CSF1R: variants seen among roughly 807,000 people sequenced by gnomAD.
The protein encoded by CSF1R is macrophage colony-stimulating factor 1 receptor.
In CSF1R, 40 loss-of-function variants were observed where a neutral mutation model predicts 110.0. The observed-to-expected ratio is 0.36, with a 90% CI of 0.28 to 0.47. CSF1R has a LOEUF of 0.47. CSF1R is among the 20% of genes least tolerant of loss of function. The probability of loss-of-function intolerance (pLI) is 0.99; values close to 1 mark genes in which losing one functional copy is unlikely to be tolerated. For missense variants in CSF1R, 1,052 were observed against 1,253.0 expected (o/e 0.84, Z 2.42); for synonymous variants, 523 against 503.4 (o/e 1.04, Z -0.52).
rs1255685909 is a variant in CSF1R at position 150,053,973 on chromosome 5, C to T, written c.*96G>A. The stretch of plus-strand genomic sequence containing the variant: ...GGGCCGAGCTGTTGAGTGAAATGAC[C>T]GAAGGCAGAGTTTGTATGTTCTCCC... On this transcript the variant is annotated 3_prime_UTR_variant, in exon 21 of 21. Coordinates refer to ENST00000675795, the MANE Select transcript of CSF1R (RefSeq NM_001288705.3). 10 of 1,286,506 alleles carry T rather than the reference C, an allele frequency of 7.8e-6. No homozygotes were observed. The highest frequency in any genetic ancestry group is 5.0e-5 in the East Asian group (2 of 39,864). 79.7% of individuals were successfully genotyped at this position (1,286,506 alleles called of 1,614,324 possible).
chr5:150,053,550 A>G lies in CSF1R; in HGVS notation c.*519T>C, dbSNP rs1190904944. The G allele has an allele frequency of 4.1e-6, 1 of 244,224 alleles. No homozygotes were observed. Among genetic ancestry groups the G allele is most frequent in the African/African-American group, 2.2e-5 (1 of 45,370 alleles). The allele number at this position is 244,224 out of a possible 1,614,324, so 15.1% of individuals were successfully genotyped here. ...GTGGAGTGAAGGCGGCGTATAGGGC[A>G]GAGACTAAGAGGTCCTGTGAGATTC... On this transcript the variant is annotated 3_prime_UTR_variant, in exon 21 of 21. Coordinates refer to ENST00000675795, the MANE Select transcript of CSF1R (RefSeq NM_001288705.3).
At chr5:150,088,399 C>G (rs1424123855), upstream of CSF1R, among the ~76,000 whole-genome samples, 1 of 152,140 alleles carries the variant, frequency 6.6e-6, no homozygotes, top group Non-Finnish European at 1.5e-5. Context: ...TTCTATGAAG[C>G]CAGCATTTTT....
chr5:150,107,253 G>A (rs1759583996), intron 1 of CSF1R, among the ~76,000 whole-genome samples: 1 of 152,244 alleles, frequency 6.6e-6, no homozygotes, highest in African/African-American at 2.4e-5. Flanking sequence ...CCGCCTGGTG[G>A]GAGGTAAGGC....
intron 1 of CSF1R, among the ~76,000 whole-genome samples, chr5:150,096,634 A>T (rs1470075919): frequency 2.0e-5 from 3 of 152,248 alleles, no homozygotes; most frequent in Non-Finnish European, 4.4e-5. Flanking sequence ...ATAATGCATC[A>T]TGTCCAAGTG....
At chr5:150,065,396 G>A (rs911380380) in intron 10 of CSF1R, among the ~76,000 whole-genome samples, 1 of 152,150 alleles carries the variant, frequency 6.6e-6, no homozygotes, top group Non-Finnish European at 1.5e-5. Flanking sequence ...TTCCCTGTGC[G>A]CCTCCTCCTC....
intron 18 of CSF1R, 126 bp from the exon 19 acceptor site, chr5:150,055,462 T>G: frequency 1.3e-6 from 1 of 753,000 alleles, no homozygotes; most frequent in Non-Finnish European, 2.2e-6. Context: ...CAGCTACTCT[T>G]ACCCGGTGCT....
chr5:150,079,921 G>A (rs1441117414), intron 3 of CSF1R, 131 bp downstream of exon 3: 2 of 1,118,934 alleles, frequency 1.8e-6, no homozygotes, highest in Non-Finnish European at 2.5e-6. Flanking sequence ...AACCATTGAG[G>A]GGAAGAAGTG....
At chr5:150,078,919 G>C (rs1410887013) in intron 3 of CSF1R, among the ~76,000 whole-genome samples, 1 of 152,190 alleles carries the variant, frequency 6.6e-6, no homozygotes, top group Non-Finnish European at 1.5e-5. Context: ...TCCCCAGCTT[G>C]GTTTCTTGCT....
At chr5:150,102,688 C>T (rs1021282752) in intron 1 of CSF1R, among the ~76,000 whole-genome samples, 2 of 152,184 alleles carry the variant, frequency 1.3e-5, no homozygotes, top group South Asian at 4.1e-4. Context: ...CCATGTTGAC[C>T]AGGCTGGTCT....
chr5:150,096,122 G>A (rs1759215031), intron 1 of CSF1R, among the ~76,000 whole-genome samples: 2 of 152,184 alleles, frequency 1.3e-5, no homozygotes, highest in Admixed American at 1.3e-4. Flanking sequence ...TGGCCCAGTG[G>A]CTCATGCCTG....
intron 4 of CSF1R, among the ~76,000 whole-genome samples, chr5:150,077,888 C>A (rs568724127): frequency 1.3e-5 from 2 of 151,912 alleles, no homozygotes; most frequent in African/African-American, 4.8e-5. Flanking sequence ...CACCTCCCCC[C>A]ACCCACCCCC....
rs1757410824 is a variant in CSF1R at position 150,059,644 on chromosome 5, G to A, written c.2132+56C>T. 3 of 1,592,508 alleles carry A rather than the reference G, an allele frequency of 1.9e-6. No homozygotes were observed. In the Admixed American group the frequency reaches 5.1e-5, roughly 27 times the overall value. ...CAACCCTGAGCTGGCTTTGAAGACAGACTCGGATCCTGCCTCCCAGACCTG... is the reference window on the plus strand; with the variant it reads ...CAACCCTGAGCTGGCTTTGAAGACAAACTCGGATCCTGCCTCCCAGACCTG... On this transcript the variant is annotated intron_variant, in intron 14 of 20. Coordinates refer to ENST00000675795, the MANE Select transcript of CSF1R (RefSeq NM_001288705.3).
At position 150,086,433 on chromosome 5, in the gene CSF1R, C is replaced by T. The variant is rs764982278; in HGVS notation, c.-6G>A. ...AGCAGAACTCCTGGGCCCATGGCCTCGGTGGGGAAGTGGCAGGCAGGTGCA... is the reference window on the plus strand; with the variant it reads ...AGCAGAACTCCTGGGCCCATGGCCTTGGTGGGGAAGTGGCAGGCAGGTGCA... On this transcript the variant is annotated 5_prime_UTR_variant, in exon 1 of 21. Transcript: ENST00000675795. The T allele has an allele frequency of 2.7e-5, 43 of 1,608,966 alleles. No individual in the cohort carries two copies. In the East Asian group the frequency reaches 2.9e-4, roughly 11 times the overall value.
rs568904768 is a variant in CSF1R, at chr5:150,070,441, G to A, written c.1198+15C>T. The A allele has an allele frequency of 2.6e-5, 40 of 1,550,236 alleles. No homozygotes were observed. The highest frequency in any genetic ancestry group is 6.1e-5 in the South Asian group (5 of 81,374). On this transcript the variant is annotated intron_variant, in intron 7 of 20. Transcript: ENST00000675795. ...AGGGCCTCCGCCCCAGGTGGCGCTC[G>A]GCCCCAGCACTCACATCGAAGGGTG...
At chr5:150,094,167 G>T in intron 1 of CSF1R, 1 of 588,054 alleles carries the variant, frequency 1.7e-6, no homozygotes, top group Middle Eastern at 4.5e-4. Context: ...ATAGACTTCA[G>T]AACAAGAAAT....
At chr5:150,105,456 T>A (rs1280025816) in intron 1 of CSF1R, among the ~76,000 whole-genome samples, 3 of 149,764 alleles carry the variant, frequency 2.0e-5, no homozygotes, top group Admixed American at 6.7e-5. Context: ...CCTCAAGTGA[T>A]CTGCCCGTTT....
At chr5:150,094,068 A>G (rs912308697) in intron 1 of CSF1R, among the ~76,000 whole-genome samples, 6 of 152,098 alleles carry the variant, frequency 3.9e-5, no homozygotes, top group African/African-American at 1.4e-4. Flanking sequence ...CATCTCAAAA[A>G]AAAAAAAAAA....
chr5:150,087,058 G>A (rs756352749), upstream of CSF1R, among the ~76,000 whole-genome samples: 2 of 152,134 alleles, frequency 1.3e-5, no homozygotes, highest in African/African-American at 4.8e-5. Context: ...GCTCACTGCA[G>A]CCTCAAACTC....
chr5:150,100,061 G>A (rs774917601), intron 1 of CSF1R, among the ~76,000 whole-genome samples: 5 of 152,112 alleles, frequency 3.3e-5, no homozygotes, highest in African/African-American at 7.2e-5. Flanking sequence ...AATAAAGATC[G>A]TAGTATCTGG....
Sources: allele counts gnomAD v4.1 joint callset (sites outside exome capture counted in the v4.1 genomes callset), GRCh38; gene constraint gnomAD v4.1.1; transcripts MANE v1.5; gene names NCBI Gene and HGNC (gene_info 2026-07-23, HGNC 2026-07-21).